Variants in TWIST2 observed in about 807,000 individuals in gnomAD.
The protein encoded by TWIST2 is twist family bHLH transcription factor 2.
Under a neutral mutation model 11.6 loss-of-function variants are expected in TWIST2, and 1 was observed. The observed-to-expected ratio is 0.09, with a 90% confidence interval of 0.03 to 0.41. The LOEUF (loss-of-function observed/expected upper bound fraction) is 0.41, where lower values mean the gene tolerates loss of function less well. Ranked by LOEUF, TWIST2 falls within the 10% of genes least tolerant of loss-of-function variation. The pLI is 0.98. For missense variants in TWIST2, 168 were observed against 226.4 expected (o/e 0.74, Z 1.66); for synonymous variants, 87 against 96.6 (o/e 0.90, Z 0.58).
chr2:238,877,886 G>A (rs1692835140), intron 1 of TWIST2, among the ~76,000 whole-genome samples: 1 of 152,170 alleles, frequency 6.6e-6, no homozygotes, highest in African/African-American at 2.4e-5. Flanking sequence ...GAGGTTTTGT[G>A]CTGCCAGGGA....
chr2:238,908,856 G>T (rs996990757), intron 1 of TWIST2, among the ~76,000 whole-genome samples: 17 of 2,298 alleles, frequency 7.4e-3, no homozygotes, highest in Admixed American at 0.017. Context: ...GTGTTTGTGT[G>T]TGGGAGGGTG....
intron 1 of TWIST2, among the ~76,000 whole-genome samples, chr2:238,908,274 A>G (rs1693389936): frequency 1.3e-5 from 2 of 148,982 alleles, no homozygotes; most frequent in Non-Finnish European, 3.0e-5. Flanking sequence ...TGCACCATAC[A>G]TACCACACAC....
At chr2:238,907,959 C>T (rs1305797065) in intron 1 of TWIST2, among the ~76,000 whole-genome samples, 1 of 146,566 alleles carries the variant, frequency 6.8e-6, no homozygotes, top group Non-Finnish European at 1.5e-5. Context: ...GGCACACAAA[C>T]ATACCACACA....
intron 1 of TWIST2, among the ~76,000 whole-genome samples, chr2:238,905,488 G>A (rs1359920950): frequency 1.3e-5 from 2 of 152,162 alleles, no homozygotes; most frequent in African/African-American, 2.4e-5. Flanking sequence ...GAGGCTCTCG[G>A]TCAAGAAGAC....
intron 1 of TWIST2, among the ~76,000 whole-genome samples, chr2:238,861,887 G>A (rs1394908027): frequency 6.6e-6 from 1 of 152,172 alleles, no homozygotes; most frequent in Non-Finnish European, 1.5e-5. Context: ...CCAGTCTCTG[G>A]GTCATCAGAC....
At position 238,863,958 on chromosome 2, in the gene TWIST2, A is replaced by G. The variant is rs1306369981; in HGVS notation, c.*35+15225A>G. Among the ~76,000 whole-genome samples the G allele has an allele frequency of 6.6e-6, 1 of 152,158 alleles. No individual in the cohort carries two copies. ...TCTCCAGAACCTACAGGGAGGAAGC[A>G]CCAGGCGGCACCTCCCCAGAGGCTG... On this transcript the variant is annotated intron_variant, in intron 1 of 1. Transcript: ENST00000612363. The surrounding 1 kb of genome is among the most constrained non-coding windows in gnomAD (Gnocchi z 4.7).
chr2:238,905,787 C>A (rs1440964207), intron 1 of TWIST2, among the ~76,000 whole-genome samples: 1 of 152,126 alleles, frequency 6.6e-6, no homozygotes, highest in Non-Finnish European at 1.5e-5. Context: ...ACTTTCTGCC[C>A]AGGACCACTT....
chr2:238,858,758 C>T (rs1401282882), intron 1 of TWIST2, among the ~76,000 whole-genome samples: 2 of 152,090 alleles, frequency 1.3e-5, no homozygotes, highest in Admixed American at 1.3e-4. Flanking sequence ...AGGTATATAC[C>T]CCAAAACACT....
chr2:238,868,203 CA>C (rs1271601242), intron 1 of TWIST2, among the ~76,000 whole-genome samples: 1 of 152,174 alleles, frequency 6.6e-6, no homozygotes, highest in African/African-American at 2.4e-5. Flanking sequence ...ACGTGGCTCC[CA>C]GGGGCTCTGC....
Position 238,867,407 on chromosome 2 carries a change from ACACACT to A in TWIST2, c.*35+18676_*35+18681del, listed in dbSNP as rs777512299. Among the ~76,000 whole-genome samples the A allele has an allele frequency of 5.8e-3, 872 of 151,138 alleles. 10 individuals carry two copies. The highest frequency in any genetic ancestry group is 6.4e-3 in the Non-Finnish European group (436 of 67,744). Reference sequence around the variant, plus strand: ...CACACACACACACACACACACACACACACACTCCTCAGTAAAATACCCAGTTCTCAC... The same window carrying A: ...CACACACACACACACACACACACACACCTCAGTAAAATACCCAGTTCTCAC... On this transcript the variant is annotated intron_variant, in intron 1 of 1. Coordinates refer to ENST00000612363, the MANE Select transcript of TWIST2 (RefSeq NM_001271893.4). The surrounding 1 kb of genome is among the most constrained non-coding windows in gnomAD (Gnocchi z 4.8).
At chr2:238,891,089 C>T (rs554893210) in intron 1 of TWIST2, among the ~76,000 whole-genome samples, 4 of 152,236 alleles carry the variant, frequency 2.6e-5, no homozygotes, top group Admixed American at 1.3e-4. Context: ...CGGAGGACGT[C>T]GATTAGATTT....
chr2:238,893,095 GA>G (rs1466340175), intron 1 of TWIST2, among the ~76,000 whole-genome samples: 2 of 152,198 alleles, frequency 1.3e-5, no homozygotes, highest in Non-Finnish European at 1.5e-5. Flanking sequence ...ACCTTCAGCT[GA>G]AATCTGAGTT....
chr2:238,889,357 ATATATT>A (rs1450236096), intron 1 of TWIST2, among the ~76,000 whole-genome samples: 5 of 152,232 alleles, frequency 3.3e-5, no homozygotes, highest in Non-Finnish European at 7.3e-5. Flanking sequence ...TATATGGTAC[ATATATT>A]TATATATACA....
intron 1 of TWIST2, among the ~76,000 whole-genome samples, chr2:238,860,655 G>A (rs36161077): frequency 0.19 from 29,567 of 152,146 alleles, 3,107 homozygotes; most frequent in East Asian, 0.36. Context: ...AAACTGTTCC[G>A]GGCCAGGCGC....
chr2:238,907,503 T>C (rs1488207512), intron 1 of TWIST2, among the ~76,000 whole-genome samples: 1 of 152,078 alleles, frequency 6.6e-6, no homozygotes, highest in African/African-American at 2.4e-5. Flanking sequence ...GGACAGCTGG[T>C]TGCAGCCCCA....
chr2:238,906,424 TCA>T (rs1693356720), intron 1 of TWIST2, among the ~76,000 whole-genome samples: 1 of 146,136 alleles, frequency 6.8e-6, no homozygotes, highest in African/African-American at 2.6e-5. Flanking sequence ...ACACATGCAC[TCA>T]CACGGATGCG....
chr2:238,851,762 C>A lies in TWIST2; in HGVS notation c.*35+3029C>A, dbSNP rs1216479441. Among the ~76,000 whole-genome samples the A allele has an allele frequency of 2.0e-5, 3 of 152,168 alleles. No individual in the cohort carries two copies. In the East Asian group the frequency reaches 5.8e-4, roughly 29 times the overall value. ...ACAGAAATGCAGAATCCCAATGGAG[C>A]TTTTGCTTGCCTAGAAGAAGTAGAA... On this transcript the variant is annotated intron_variant, in intron 1 of 1. Transcript: ENST00000612363.
chr2:238,884,439 CT>C (rs921848917), intron 1 of TWIST2, among the ~76,000 whole-genome samples: 1 of 152,252 alleles, frequency 6.6e-6, no homozygotes, highest in African/African-American at 2.4e-5. Context: ...ATCTAGGGCT[CT>C]TCTCCGTGTA....
intron 1 of TWIST2, among the ~76,000 whole-genome samples, chr2:238,896,164 G>C (rs888196965): frequency 2.6e-5 from 4 of 152,150 alleles, no homozygotes; most frequent in Admixed American, 6.5e-5. Context: ...GAGGGGCGGG[G>C]ATCCGGAAGA....
Sources: gnomAD v4.1 joint callset for allele counts (sites outside exome capture counted in the v4.1 genomes callset) on GRCh38, gnomAD v4.1.1 for gene constraint, Gnocchi (gnomAD v3.1) non-coding constraint, MANE v1.5 for transcripts, NCBI Gene and HGNC (gene_info 2026-07-23, HGNC 2026-07-21) for gene names.